The following GSG1L variants were observed in gnomAD, a reference collection of about 807,000 sequenced individuals.
GSG1L encodes the protein germ cell-specific gene 1-like protein.
GSG1L carries 24 observed loss-of-function variants against 42.1 expected under a neutral mutation model. That is an observed-to-expected ratio of 0.57 (90% confidence interval 0.41 to 0.80). The LOEUF is 0.80. GSG1L is among the 30% of genes least tolerant of loss of function. The probability of loss-of-function intolerance (pLI) is 0.00; values close to 1 mark genes in which losing one functional copy is unlikely to be tolerated. For synonymous variants in GSG1L, 215 were observed against 203.5 expected (o/e 1.06, Z -0.48); for missense variants, 445 against 472.2 (o/e 0.94, Z 0.53).
intron 5 of GSG1L, among the ~76,000 whole-genome samples, chr16:27,811,626 G>A (rs2083031797): frequency 6.6e-6 from 1 of 152,104 alleles, no homozygotes; most frequent in Non-Finnish European, 1.5e-5. Flanking sequence ...TCCATCCTCA[G>A]CTCCCAATTC....
intron 5 of GSG1L, among the ~76,000 whole-genome samples, chr16:27,816,546 A>T (rs1264414285): frequency 6.6e-6 from 1 of 152,244 alleles, no homozygotes; most frequent in African/African-American, 2.4e-5. Flanking sequence ...GGTGAAGCGA[A>T]GACAGATTTG....
chr16:27,796,071 G>T (rs1390570424), intron 6 of GSG1L, among the ~76,000 whole-genome samples: 1 of 152,192 alleles, frequency 6.6e-6, no homozygotes, highest in African/African-American at 2.4e-5. Context: ...CTCTGCAGCT[G>T]GCAGAGTGAG....
intron 2 of GSG1L, among the ~76,000 whole-genome samples, chr16:27,932,004 T>A (rs897905704): frequency 2.0e-5 from 3 of 152,216 alleles, no homozygotes; most frequent in Admixed American, 2.0e-4. Context: ...TGGGGAACAG[T>A]CTTCCCCACT....
chr16:27,892,278 G>A (rs746316034), intron 2 of GSG1L, among the ~76,000 whole-genome samples: 1 of 151,344 alleles, frequency 6.6e-6, no homozygotes, highest in South Asian at 2.1e-4. Flanking sequence ...AATATAGGGA[G>A]ACCTCATCTC....
At chr16:28,061,479 C>T (rs532892870) in intron 1 of GSG1L, among the ~76,000 whole-genome samples, 4 of 152,280 alleles carry the variant, frequency 2.6e-5, no homozygotes, top group East Asian at 1.9e-4. Flanking sequence ...CAGCCACCCC[C>T]AGAAGAGAGA....
intron 1 of GSG1L, among the ~76,000 whole-genome samples, chr16:28,005,354 T>C (rs903833285): frequency 1.3e-5 from 2 of 152,198 alleles, no homozygotes; most frequent in African/African-American, 2.4e-5. Flanking sequence ...CCTCAAGTGA[T>C]CTGCCCTCCT....
intron 5 of GSG1L, chr16:27,823,877 G>A: frequency 1.4e-6 from 1 of 702,948 alleles, no homozygotes; most frequent in Non-Finnish European, 2.6e-6. Flanking sequence ...GTGTGACCTG[G>A]GGCAAGTCGC....
At chr16:27,949,865 C>T (rs979568883) in intron 2 of GSG1L, among the ~76,000 whole-genome samples, 3 of 152,168 alleles carry the variant, frequency 2.0e-5, no homozygotes, top group South Asian at 2.1e-4. Context: ...GCAGAGCTTG[C>T]GGTGAGCCGA....
chr16:27,872,328 T>C (rs1170288006), intron 3 of GSG1L, among the ~76,000 whole-genome samples: 3 of 152,162 alleles, frequency 2.0e-5, no homozygotes, highest in African/African-American at 7.2e-5. Flanking sequence ...CGTATGGACA[T>C]GGATGGCCAG....
At chr16:27,808,775 T>G (rs981513913) in intron 5 of GSG1L, among the ~76,000 whole-genome samples, 1 of 152,200 alleles carries the variant, frequency 6.6e-6, no homozygotes, top group African/African-American at 2.4e-5. Context: ...TTGCAAGAGC[T>G]TCTCAGTGTG....
intron 3 of GSG1L, among the ~76,000 whole-genome samples, chr16:27,880,909 G>A (rs977514054): frequency 1.3e-5 from 2 of 151,698 alleles, no homozygotes; most frequent in Admixed American, 6.6e-5. Flanking sequence ...CCTGCCCCCC[G>A]AGACATCATG....
intron 2 of GSG1L, chr16:27,888,063 G>A (rs1250118222): frequency 5.1e-6 from 5 of 982,490 alleles, no homozygotes; most frequent in South Asian, 4.7e-5. Flanking sequence ...TCTTTACCTC[G>A]GAGATGCTGA....
At chr16:27,861,519 C>G (rs1262419453) in intron 3 of GSG1L, among the ~76,000 whole-genome samples, 1 of 152,152 alleles carries the variant, frequency 6.6e-6, no homozygotes, top group Non-Finnish European at 1.5e-5. Context: ...GGAATTTACC[C>G]TCAGACATAT....
At chr16:27,823,611 G>A (rs529034355) in intron 5 of GSG1L, among the ~76,000 whole-genome samples, 6 of 152,250 alleles carry the variant, frequency 3.9e-5, no homozygotes, top group East Asian at 1.9e-4. Flanking sequence ...GATAGGAAAC[G>A]TGGGGGCGTG....
At chr16:27,906,130 T>G (rs1224217159) in intron 2 of GSG1L, among the ~76,000 whole-genome samples, 1 of 152,106 alleles carries the variant, frequency 6.6e-6, no homozygotes, top group African/African-American at 2.4e-5. Context: ...AAAAAGTTTT[T>G]TAAGGAGGCT....
At chr16:27,806,948 G>A (rs1414619416) in intron 6 of GSG1L, among the ~76,000 whole-genome samples, 1 of 152,160 alleles carries the variant, frequency 6.6e-6, no homozygotes, top group East Asian at 1.9e-4. Context: ...ATTACAGCAG[G>A]CTCAGCCAAG....
At chr16:27,811,978 T>A (rs1349656143) in intron 5 of GSG1L, among the ~76,000 whole-genome samples, 1 of 152,186 alleles carries the variant, frequency 6.6e-6, no homozygotes, top group Non-Finnish European at 1.5e-5. Flanking sequence ...TGAAGTCTCA[T>A]CTTCCTCCAG....
chr16:27,827,590 A>G (rs1033561275), intron 5 of GSG1L, among the ~76,000 whole-genome samples: 1 of 152,150 alleles, frequency 6.6e-6, no homozygotes, highest in Non-Finnish European at 1.5e-5. Context: ...TACAGCAGAA[A>G]CAATGAACTC....
chr16:27,830,693 C>T lies in GSG1L; in HGVS notation c.663-1737G>A, dbSNP rs2161442. ...ACCACCCCCCACCATTCATAGATGA[C>T]GGGACAAGGGCTGACCATCTGGTGA... On this transcript the variant is annotated intron_variant, in intron 4 of 6. Transcript: ENST00000447459. Among the ~76,000 whole-genome samples, 1,729 of 152,290 alleles carry T rather than the reference C, an allele frequency of 0.011. 80 individuals carry two copies. In the East Asian group the frequency reaches 0.17, roughly 15 times the overall value.
Sources: gnomAD v4.1 joint callset for allele counts (sites outside exome capture counted in the v4.1 genomes callset) on GRCh38, gnomAD v4.1.1 for gene constraint, MANE v1.5 for transcripts, NCBI Gene and HGNC (gene_info 2026-07-23, HGNC 2026-07-21) for gene names.